RBFOX3: variants seen among roughly 807,000 people sequenced by gnomAD.
The protein encoded by RBFOX3 is RNA binding fox-1 homolog 3, also known as RNA binding protein fox-1 homolog 3.
Under a neutral mutation model 48.7 loss-of-function variants are expected in RBFOX3, and 17 were observed. The observed-to-expected ratio is 0.35, with a 90% confidence interval of 0.24 to 0.52. The LOEUF is 0.52. Ranked by LOEUF, RBFOX3 falls within the 20% of genes least tolerant of loss-of-function variation. The probability of loss-of-function intolerance (pLI) is 0.94; values close to 1 mark genes in which losing one functional copy is unlikely to be tolerated. For synonymous variants in RBFOX3, 212 were observed against 209.5 expected, an observed-to-expected ratio of 1.01 and a Z score of -0.10; for missense variants, 382 against 497.5, an observed-to-expected ratio of 0.77 and a Z score of 2.21.
chr17:79,540,642 C>T (rs534768620), intron 1 of RBFOX3, among the ~76,000 whole-genome samples: 1 of 152,370 alleles, frequency 6.6e-6, no homozygotes, highest in African/African-American at 2.4e-5. Flanking sequence ...CATTCACATA[C>T]CGCCGTGGTG....
At chr17:79,180,965 C>A (rs1419957411) in intron 4 of RBFOX3, among the ~76,000 whole-genome samples, 1 of 152,218 alleles carries the variant, frequency 6.6e-6, no homozygotes, top group Non-Finnish European at 1.5e-5. Flanking sequence ...GTCAGGGATG[C>A]ATTCACCTAG....
chr17:79,651,625 CCT>C, the RBFOX3 span, among the ~76,000 whole-genome samples: 59 of 97,730 alleles, frequency 6.0e-4, no homozygotes, highest in East Asian at 9.8e-4. Context: ...TGCCCCCTTT[CCT>C]CTCTCTCTCT....
chr17:79,271,770 C>T (rs1311955184), intron 3 of RBFOX3, among the ~76,000 whole-genome samples: 2 of 152,294 alleles, frequency 1.3e-5, no homozygotes, highest in Admixed American at 6.5e-5. Context: ...GGGTACAGAG[C>T]CACTGTAGAA....
intron 2 of RBFOX3, among the ~76,000 whole-genome samples, chr17:79,457,915 C>A (rs1490834011): frequency 6.6e-6 from 1 of 152,216 alleles, no homozygotes; most frequent in Non-Finnish European, 1.5e-5. Flanking sequence ...TCAATGGATT[C>A]CTCCAGAAAA....
intron 2 of RBFOX3, among the ~76,000 whole-genome samples, chr17:79,415,330 G>A (rs2065153340): frequency 6.6e-6 from 1 of 152,224 alleles, no homozygotes; most frequent in African/African-American, 2.4e-5. Flanking sequence ...CCCACATGAA[G>A]TGTGGGGCTA....
chr17:79,215,057 C>A (rs1438214712), intron 4 of RBFOX3, among the ~76,000 whole-genome samples: 2 of 152,190 alleles, frequency 1.3e-5, no homozygotes. Flanking sequence ...TGAGCCCACC[C>A]CCTGGCTCCC....
intron 1 of RBFOX3, among the ~76,000 whole-genome samples, chr17:79,561,966 C>T (rs1403085327): frequency 1.3e-5 from 2 of 152,284 alleles, no homozygotes; most frequent in East Asian, 1.9e-4. Flanking sequence ...AGATGGGCAG[C>T]GGCCCACACA....
In RBFOX3 at chr17:79,103,380, G is replaced by A. The variant is rs1446577192; in HGVS notation, c.415-126C>T. ...AGTGGGGAGAGAGAGAGAAGGGGTT[G>A]AGTCAGGTGAGTTGAGGCAGAGACG... On this transcript the variant is annotated intron_variant, in intron 7 of 14. Transcript: ENST00000693108. The surrounding 1 kb of genome is among the most constrained non-coding windows in gnomAD (Gnocchi z 6.1). 1.5e-6 allele frequency: 1 copy of A among 688,848 alleles called. No individual in the cohort carries two copies. The highest frequency in any genetic ancestry group is 2.6e-6 in the Non-Finnish European group (1 of 388,472). 42.7% of individuals were successfully genotyped at this position (688,848 alleles called of 1,614,324 possible).
chr17:79,150,392 G>A lies in RBFOX3; in HGVS notation c.-33-34644C>T, dbSNP rs1218383992. On this transcript the variant is annotated intron_variant, in intron 4 of 14. Transcript: ENST00000693108. The stretch of plus-strand genomic sequence containing the variant: ...TGGCCGTTCTCTGGGCTCTGCAGGC[G>A]GCCAACCCCCTAACTCAGCTCCATC... 2.6e-5 allele frequency among the ~76,000 whole-genome samples: 4 copies of A among 152,150 alleles called. 1 individual carries two copies. The highest frequency in any genetic ancestry group is 7.2e-5 in the African/African-American group (3 of 41,502).
intron 3 of RBFOX3, among the ~76,000 whole-genome samples, chr17:79,274,680 G>A (rs188891164): frequency 2.6e-3 from 395 of 152,172 alleles, no homozygotes; most frequent in African/African-American, 9.1e-3. Context: ...CCAAGAGGCT[G>A]GGGGCACAGA....
At chr17:79,167,689 G>A (rs551236865) in intron 4 of RBFOX3, among the ~76,000 whole-genome samples, 3 of 152,248 alleles carry the variant, frequency 2.0e-5, no homozygotes, top group East Asian at 1.9e-4. Flanking sequence ...CTGCAGTCCC[G>A]CCACCCGTCT....
In RBFOX3 at chr17:79,141,700, G is replaced by A. The variant is rs141875948; in HGVS notation, c.-33-25952C>T. On this transcript the variant is annotated intron_variant, in intron 4 of 14. Transcript: ENST00000693108. ...CTCGGTAAGTCCTTCACCTCCCTGG[G>A]GGTCCTGTTTCCTCATCTGTAAAGC... 2.8e-3 allele frequency among the ~76,000 whole-genome samples: 432 copies of A among 152,196 alleles called. 2 individuals are homozygous for A. The highest frequency in any genetic ancestry group is 9.8e-3 in the African/African-American group (405 of 41,524).
intron 2 of RBFOX3, among the ~76,000 whole-genome samples, chr17:79,451,921 T>G (rs1317787631): frequency 6.6e-6 from 1 of 152,164 alleles, no homozygotes; most frequent in Non-Finnish European, 1.5e-5. Context: ...GCCCACAGCA[T>G]CCCTGCCACC....
intron 2 of RBFOX3, among the ~76,000 whole-genome samples, chr17:79,318,630 G>A (rs71387913): frequency 0.017 from 2,533 of 152,136 alleles, 35 homozygotes; most frequent in Middle Eastern, 0.041. Context: ...TGAGGCAGGT[G>A]GATCACGAGG....
intron 1 of RBFOX3, among the ~76,000 whole-genome samples, chr17:79,527,901 C>T (rs1045512395): frequency 6.6e-6 from 1 of 152,188 alleles, no homozygotes; most frequent in African/African-American, 2.4e-5. Flanking sequence ...CCGATGGAGT[C>T]CTTGCCCTCT....
intron 1 of RBFOX3, among the ~76,000 whole-genome samples, chr17:79,604,235 G>A (rs2093776166): frequency 6.6e-6 from 1 of 152,178 alleles, no homozygotes. Context: ...ACACCTCCAG[G>A]GTGAAGGGCA....
intron 1 of RBFOX3, among the ~76,000 whole-genome samples, chr17:79,518,579 G>A (rs1349461010): frequency 1.3e-5 from 2 of 152,226 alleles, no homozygotes; most frequent in East Asian, 1.9e-4. Context: ...GGGCCTGGAC[G>A]GCTGTGGGGA....
At chr17:79,618,437 C>A in the RBFOX3 span, among the ~76,000 whole-genome samples, 1 of 152,110 alleles carries the variant, frequency 6.6e-6, no homozygotes, top group African/African-American at 2.4e-5. Flanking sequence ...TCCATCCAAG[C>A]CGTGTGTCTG....
At chr17:79,118,245 C>A (rs2034646238) in intron 4 of RBFOX3, among the ~76,000 whole-genome samples, 1 of 152,208 alleles carries the variant, frequency 6.6e-6, no homozygotes. Flanking sequence ...GGCTCCTTCC[C>A]TCTCTCTGCA....
Sources: allele counts gnomAD v4.1 joint callset (sites outside exome capture counted in the v4.1 genomes callset), GRCh38; gene constraint gnomAD v4.1.1; non-coding constraint Gnocchi (gnomAD v3.1); transcripts MANE v1.5; gene names NCBI Gene and HGNC (gene_info 2026-07-23, HGNC 2026-07-21).